The following RIMBP2 variants were observed in gnomAD, a reference collection of about 807,000 sequenced individuals.
RIMBP2 encodes RIMS-binding protein 2.
In RIMBP2, 48 loss-of-function variants were observed where a neutral mutation model predicts 118.6. The observed-to-expected ratio is 0.40, with a 90% CI of 0.32 to 0.51. RIMBP2 has a LOEUF of 0.51. RIMBP2 is among the 20% of genes least tolerant of loss of function. The probability of loss-of-function intolerance (pLI) is 0.41; values close to 1 mark genes in which losing one functional copy is unlikely to be tolerated. For synonymous variants in RIMBP2, 762 were observed against 742.9 expected (o/e 1.03, Z -0.42); for missense variants, 1,551 against 1,768.3 (o/e 0.88, Z 2.20).
At chr12:130,528,747 C>G (rs1356196894) in intron 2 of RIMBP2, among the ~76,000 whole-genome samples, 1 of 152,210 alleles carries the variant, frequency 6.6e-6, no homozygotes, top group African/African-American at 2.4e-5. Flanking sequence ...ACACAGGCAG[C>G]CCCAAAGGGA....
intron 1 of RIMBP2, among the ~76,000 whole-genome samples, chr12:130,678,934 A>T (rs2064637428): frequency 6.6e-6 from 1 of 152,216 alleles, no homozygotes; most frequent in Admixed American, 6.5e-5. Flanking sequence ...GCCAGAGGGG[A>T]CAGGGTTTGC....
At chr12:130,520,503 A>AC (rs1566186879) in intron 2 of RIMBP2, among the ~76,000 whole-genome samples, 5 of 151,268 alleles carry the variant, frequency 3.3e-5, no homozygotes, top group Admixed American at 2.6e-4. Flanking sequence ...CTCTACTAAA[A>AC]ACACACACAC....
At chr12:130,714,969 T>C (rs892389361) in intron 1 of RIMBP2, among the ~76,000 whole-genome samples, 15 of 152,068 alleles carry the variant, frequency 9.9e-5, no homozygotes, top group Non-Finnish European at 1.9e-4. Context: ...AGAAACCGGG[T>C]GAGTGAGCCT....
intron 2 of RIMBP2, among the ~76,000 whole-genome samples, chr12:130,610,059 C>T (rs2060419400): frequency 6.6e-6 from 1 of 152,250 alleles, no homozygotes; most frequent in African/African-American, 2.4e-5. Context: ...GGGCATCCCT[C>T]AACCTAGTTA....
At chr12:130,643,060 C>T (rs1194473545) in intron 1 of RIMBP2, among the ~76,000 whole-genome samples, 1 of 152,226 alleles carries the variant, frequency 6.6e-6, no homozygotes, top group Non-Finnish European at 1.5e-5. Flanking sequence ...GATGGTTCTC[C>T]AACAGCTGCC....
In RIMBP2 at chr12:130,523,908, GCA is replaced by G. The variant is rs1248463437; in HGVS notation, c.-216-5993_-216-5992del. On this transcript the variant is annotated intron_variant, in intron 2 of 22. Coordinates refer to ENST00000690449, the MANE Select transcript of RIMBP2 (RefSeq NM_001393629.1). The surrounding 1 kb of genome is among the most constrained non-coding windows in gnomAD (Gnocchi z 4.4). ...AGAGGTGGGGAAGAGGGTCCACCCA[GCA>G]CAAATACATAACAAAGGCATGTAAG... is the stretch of plus-strand genomic sequence containing the variant. 6.6e-6 allele frequency among the ~76,000 whole-genome samples: 1 copy of G among 152,172 alleles called. No individual in the cohort carries two copies. The highest frequency in any genetic ancestry group is 6.5e-5 in the Admixed American group (1 of 15,278).
chr12:130,424,923 C>G lies in RIMBP2; in HGVS notation c.2413-65G>C, dbSNP rs2076679266. ...TGTGTGGTCAGCATGAAGTGGGGGC[C>G]AGGGGAGGAAAGAAAATACAGACAG... is the stretch of plus-strand genomic sequence containing the variant. On this transcript the variant is annotated intron_variant, in intron 15 of 22. Transcript: ENST00000690449. This position sits in a 1 kb window ranked among gnomAD's most constrained non-coding sequence, Gnocchi z 9.8. 1 of 994,180 alleles carries G rather than the reference C, an allele frequency of 1.0e-6. No homozygotes were observed. Among genetic ancestry groups the G allele is most frequent in the South Asian group, 5.2e-5 (1 of 19,212 alleles). The allele number at this position is 994,180 out of a possible 1,614,324, so 61.6% of individuals were successfully genotyped here. A position where few individuals can be genotyped will look rare whatever the true frequency, so the allele number is the denominator to read the frequency against.
rs2140835542 is a variant in RIMBP2, at chr12:130,621,441, T to C, written c.-217+6881A>G. On this transcript the variant is annotated intron_variant, in intron 2 of 22. Coordinates refer to ENST00000690449, the MANE Select transcript of RIMBP2 (RefSeq NM_001393629.1). The surrounding 1 kb of genome is among the most constrained non-coding windows in gnomAD (Gnocchi z 6.6). Reference sequence around the variant, plus strand: ...GGAGATTCCCAAAACATCGGCAGAGTTCCTGGACGTAGCCGTTCCTGAAGC... The same window carrying C: ...GGAGATTCCCAAAACATCGGCAGAGCTCCTGGACGTAGCCGTTCCTGAAGC... 6.6e-6 allele frequency among the ~76,000 whole-genome samples: 1 copy of C among 152,220 alleles called. No individual in the cohort carries two copies. The highest frequency in any genetic ancestry group is 1.5e-5 in the Non-Finnish European group (1 of 68,004).
intron 2 of RIMBP2, among the ~76,000 whole-genome samples, chr12:130,526,940 A>G (rs2052853835): frequency 6.6e-6 from 1 of 152,168 alleles, no homozygotes; most frequent in East Asian, 1.9e-4. Flanking sequence ...CGCTGGTGGG[A>G]AGCCTGGAGA....
rs1461928514 is a variant in RIMBP2, at chr12:130,659,460, C to CT, written c.-351-31005dup. Among the ~76,000 whole-genome samples the CT allele has an allele frequency of 6.7e-5, 7 of 105,156 alleles. No homozygotes were observed. The Middle Eastern group carries it at 0.02, about 307-fold the overall frequency. The allele number at this position is 105,156 out of a possible 152,430, so 69.0% of individuals were successfully genotyped here. A position where few individuals can be genotyped will look rare whatever the true frequency, so the allele number is the denominator to read the frequency against. On this transcript the variant is annotated intron_variant, in intron 1 of 22. Coordinates refer to ENST00000690449, the MANE Select transcript of RIMBP2 (RefSeq NM_001393629.1). ...GTGGTGGCGCCTGTAGTCCCAGCTA[C>CT]TCGGAGGCTGAGGCAGGAGAATGGC...
rs1033529646 is a variant in RIMBP2, at chr12:130,424,589, G to A, written c.2682C>T (p.Val894=). Residue 894 remains valine (V), a synonymous_variant, in exon 16 of 23, where the codon GTC becomes GTT. Coordinates refer to ENST00000690449, the MANE Select transcript of RIMBP2 (RefSeq NM_001393629.1). This position sits in a 1 kb window ranked among gnomAD's most constrained non-coding sequence, Gnocchi z 9.8. ...FPVKHRGSGA[V]PHVEDFLLED... ...CCAGAAGGAAGTCCTCCACGTGGGG[G>A]ACGGCCCCCGAGCCCCTGTGCTTCA... The A allele has an allele frequency of 2.7e-5, 33 of 1,231,968 alleles. No individual in the cohort carries two copies. In the South Asian group the frequency reaches 6.2e-4, roughly 23 times the overall value. 76.3% of individuals were successfully genotyped at this position (1,231,968 alleles called of 1,614,324 possible).
rs909885340 is a variant in RIMBP2, at chr12:130,424,594, C to G, written c.2677G>C (p.Ala893Pro). The G allele has an allele frequency of 3.2e-6, 4 of 1,231,930 alleles. No individual in the cohort carries two copies. The East Asian group carries it at 1.3e-4, about 39-fold the overall frequency. The allele number at this position is 1,231,930 out of a possible 1,614,324, so 76.3% of individuals were successfully genotyped here. Reference protein sequence around the residue: ...WFPVKHRGSGAVPHVEDFLLE... With the variant: ...WFPVKHRGSGPVPHVEDFLLE... ...AGGAAGTCCTCCACGTGGGGGACGGCCCCCGAGCCCCTGTGCTTCACCGGG... is the reference window on the plus strand; with the variant it reads ...AGGAAGTCCTCCACGTGGGGGACGGGCCCCGAGCCCCTGTGCTTCACCGGG... The change falls in exon 16 of 23, where the codon GCC (alanine) becomes CCC (proline). Residue 893 changes from alanine to proline, a missense_variant. This residue lies in a region of RIMBP2 where 1,038 missense variants were observed against 1,125.1 expected (regional missense o/e 0.92). Coordinates refer to ENST00000690449, the MANE Select transcript of RIMBP2 (RefSeq NM_001393629.1). This position sits in a 1 kb window ranked among gnomAD's most constrained non-coding sequence, Gnocchi z 9.8.
intron 2 of RIMBP2, among the ~76,000 whole-genome samples, chr12:130,557,361 T>C (rs148643271): frequency 6.6e-6 from 1 of 152,338 alleles, no homozygotes; most frequent in East Asian, 1.9e-4. Context: ...AGCTGCCAGT[T>C]GCTCCAGCAG....
At position 130,710,842 on chromosome 12, in the gene RIMBP2, C is replaced by T. The variant is rs553531154; in HGVS notation, c.-352+5380G>A. 2.0e-5 allele frequency among the ~76,000 whole-genome samples: 3 copies of T among 152,384 alleles called. 1 individual carries two copies. Among genetic ancestry groups the T allele is most frequent in the African/African-American group, 7.2e-5 (3 of 41,606 alleles). Reference sequence around the variant, plus strand: ...AGGCCTCTCCCTGCTCTACCTGCTCCTCCACAAGCCCCACTGCTCCCAATC... The same window carrying T: ...AGGCCTCTCCCTGCTCTACCTGCTCTTCCACAAGCCCCACTGCTCCCAATC... On this transcript the variant is annotated intron_variant, in intron 1 of 22. Transcript: ENST00000690449. This position sits in a 1 kb window ranked among gnomAD's most constrained non-coding sequence, Gnocchi z 4.3.
chr12:130,397,083 G>GTGA lies in RIMBP2; in HGVS notation c.*275_*277dup, dbSNP rs2074123883. 3 of 239,996 alleles carry GTGA rather than the reference G, an allele frequency of 1.3e-5. No homozygotes were observed. 14.9% of individuals were successfully genotyped at this position (239,996 alleles called of 1,614,324 possible). ...ATTACAGGTAGGGAGGGAGCTACAGGTGATAGCTATGCGCCCCCGTTTGTT... is the reference window on the plus strand; with the variant it reads ...ATTACAGGTAGGGAGGGAGCTACAGGTGATGATAGCTATGCGCCCCCGTTTGTT... On this transcript the variant is annotated 3_prime_UTR_variant, in exon 23 of 23. Coordinates refer to ENST00000690449, the MANE Select transcript of RIMBP2 (RefSeq NM_001393629.1).
In RIMBP2 at chr12:130,692,021, G is replaced by A. The variant is rs560850520; in HGVS notation, c.-352+24201C>T. ...GGAAAACTGCCCTGGATGCTGCCAC[G>A]ATGAAAAAGGAGATCTTATTTGTTG... On this transcript the variant is annotated intron_variant, in intron 1 of 22. Coordinates refer to ENST00000690449, the MANE Select transcript of RIMBP2 (RefSeq NM_001393629.1). 6.6e-4 allele frequency among the ~76,000 whole-genome samples: 101 copies of A among 152,262 alleles called. 1 individual carries two copies. Among genetic ancestry groups the A allele is most frequent in the East Asian group, 2.5e-3 (13 of 5,178 alleles).
intron 2 of RIMBP2, among the ~76,000 whole-genome samples, chr12:130,569,458 C>T (rs2057469740): frequency 6.6e-6 from 1 of 152,230 alleles, no homozygotes; most frequent in African/African-American, 2.4e-5. Context: ...CAACCTAAAA[C>T]CAGCTGTCCC....
chr12:130,652,223 C>T (rs1487104224), intron 1 of RIMBP2, among the ~76,000 whole-genome samples: 1 of 152,162 alleles, frequency 6.6e-6, no homozygotes, highest in Admixed American at 6.6e-5. Flanking sequence ...CAAATCTGGC[C>T]CACCACCTGT....
intron 1 of RIMBP2, among the ~76,000 whole-genome samples, chr12:130,671,268 G>A (rs1266493728): frequency 6.6e-6 from 1 of 152,132 alleles, no homozygotes; most frequent in East Asian, 1.9e-4. Context: ...GAGAAATGAA[G>A]TCCCCCTTGT....
Sources: allele counts gnomAD v4.1 joint callset (sites outside exome capture counted in the v4.1 genomes callset), GRCh38; gene constraint gnomAD v4.1.1; regional missense constraint gnomAD v4.1.1; non-coding constraint Gnocchi (gnomAD v3.1); transcripts MANE v1.5; gene names NCBI Gene and HGNC (gene_info 2026-07-23, HGNC 2026-07-21).